Variants in PSG1 observed in about 807,000 individuals in gnomAD.
PSG1 encodes the protein pregnancy specific beta-1-glycoprotein 1.
Under a neutral mutation model 41.4 loss-of-function variants are expected in PSG1, and 60 were observed. The observed-to-expected ratio is 1.45, with a 90% CI of 1.18 to 1.80. The LOEUF (loss-of-function observed/expected upper bound fraction) is 1.80, where lower values mean the gene tolerates loss of function less well. PSG1 is among the 40% of genes most tolerant of loss of function. The pLI is 0.00. For synonymous variants in PSG1, 256 were observed against 192.9 expected, an observed-to-expected ratio of 1.33 and a Z score of -2.71; for missense variants, 806 against 516.9, an observed-to-expected ratio of 1.56 and a Z score of -5.42.
chr19:42,876,921 A>G (rs2122554486), intron 2 of PSG1: 1 of 152,026 alleles, frequency 6.6e-6, no homozygotes, highest in East Asian at 1.9e-4. Flanking sequence ...GTGGCTACAG[A>G]CAGACCTCAT....
In PSG1 at chr19:42,867,593, C is replaced by A. The variant is rs921629908; in HGVS notation, c.1244-443G>T. Reference sequence around the variant, plus strand: ...CAAATGTGTCATGTTACAAAGAAAGCAGATTGTTACTGTACTTGTGCAAAT... The same window carrying A: ...CAAATGTGTCATGTTACAAAGAAAGAAGATTGTTACTGTACTTGTGCAAAT... On this transcript the variant is annotated intron_variant, in intron 5 of 5. Transcript: ENST00000436291. 4.5e-5 allele frequency: 30 copies of A among 666,868 alleles called. 2 individuals are homozygous for A. The highest frequency in any genetic ancestry group is 3.7e-5 in the African/African-American group (2 of 54,226). 41.3% of individuals were successfully genotyped at this position (666,868 alleles called of 1,614,324 possible). A position where few individuals can be genotyped will look rare whatever the true frequency, so the allele number is the denominator to read the frequency against.
chr19:42,879,642 G>C lies in PSG1; in HGVS notation c.-61C>G, dbSNP rs1442458737. 6 of 1,595,788 alleles carry C rather than the reference G, an allele frequency of 3.8e-6. No homozygotes were observed. Among genetic ancestry groups the C allele is most frequent in the Non-Finnish European group, 5.1e-6 (6 of 1,168,324 alleles). On this transcript the variant is annotated 5_prime_UTR_variant, in exon 1 of 6. Coordinates refer to ENST00000436291, the MANE Select transcript of PSG1 (RefSeq NM_001184825.2). ...TAAGCCTAGGATCCAGAAACTCTCT[G>C]AGCACGGCTGTCAGCTGTGCTGTCC...
chr19:42,877,144 C>G (rs1185869330), intron 2 of PSG1, among the ~76,000 whole-genome samples: 1 of 151,688 alleles, frequency 6.6e-6, no homozygotes, highest in Non-Finnish European at 1.5e-5. Flanking sequence ...TATTAATTTG[C>G]TTCCATGAGA....
At chr19:42,872,327 G>A (rs1971428452) in intron 2 of PSG1, among the ~76,000 whole-genome samples, 1 of 151,610 alleles carries the variant, frequency 6.6e-6, no homozygotes, top group African/African-American at 2.4e-5. Flanking sequence ...AGCCCCTGGT[G>A]CCTCTGTGTG....
chr19:42,868,130 C>A lies in PSG1; in HGVS notation c.1214G>T (p.Ser405Ile), dbSNP rs149507749. ...GACTTCGACTGTCATGGATTTGGAG[C>A]TTTCCTTGCCAGTGGCTGAGTTACG... Reference protein sequence around the residue: ...SVRNSATGKESSKSMTVEVSD... With the variant: ...SVRNSATGKEISKSMTVEVSD... The change falls in exon 5 of 6, where the codon AGC (serine) becomes ATC (isoleucine). Residue 405 changes from serine to isoleucine, a missense_variant. Transcript: ENST00000436291. 1.9e-6 allele frequency: 3 copies of A among 1,612,312 alleles called. No homozygotes were observed. The highest frequency in any genetic ancestry group is 2.2e-5 in the South Asian group (2 of 90,808).
chr19:42,878,202 C>G lies in PSG1; in HGVS notation c.141G>C (p.Glu47Asp), dbSNP rs200916909. 6.2e-7 allele frequency: 1 copy of G among 1,611,990 alleles called. No homozygotes were observed. ...TIEAEPTKVS[E>D]GKDVLLLVHN... ...GGACAAGTAGAAGAACATCCTTCCC[C>G]TCGGAAACTTTGGTTGGCTCGGCTT... Residue 47 changes from glutamate (E) to aspartate (D), a missense_variant, in exon 2 of 6, where the codon GAG (glutamate) becomes GAC (aspartate). Transcript: ENST00000436291.
At chr19:42,867,721 G>A (rs746025831) in intron 5 of PSG1, 2 of 842,084 alleles carry the variant, frequency 2.4e-6, no homozygotes, top group Non-Finnish European at 4.1e-6. Context: ...GTTCCCAGAA[G>A]TATAGTTTAT....
At chr19:42,869,884 T>C (rs1230277610) in intron 3 of PSG1, 1 of 151,776 alleles carries the variant, frequency 6.6e-6, no homozygotes, top group Admixed American at 6.6e-5. Flanking sequence ...AGGGTGGGAA[T>C]GAACTGCTGG....
intron 3 of PSG1, chr19:42,870,751 TA>T (rs1246298423): frequency 3.3e-5 from 5 of 151,744 alleles, no homozygotes; most frequent in African/African-American, 1.2e-4. Flanking sequence ...TGTCTTTCCA[TA>T]TATTGATATC....
rs1043446993 is a variant in PSG1 at position 42,866,952 on chromosome 19, T to G, written c.*182A>C. On this transcript the variant is annotated 3_prime_UTR_variant, in exon 6 of 6. Transcript: ENST00000436291. ...GTTGTCCTGGTTTACAGTTTGAGCA[T>G]CTGTTGTTATGGTGTCGAATATTTT... 21 of 746,526 alleles carry G rather than the reference T, an allele frequency of 2.8e-5. 1 individual carries two copies. Among genetic ancestry groups the G allele is most frequent in the South Asian group, 1.1e-4 (8 of 72,238 alleles). The allele number at this position is 746,526 out of a possible 1,614,324, so 46.2% of individuals were successfully genotyped here.
intron 3 of PSG1, 97 bp from the exon 4 acceptor site, chr19:42,869,131 C>T: frequency 6.4e-7 from 1 of 1,557,482 alleles, no homozygotes; most frequent in South Asian, 1.2e-5. Context: ...CCTCTCATTC[C>T]ACCCGAGTCC....
chr19:42,869,134 C>A (rs1340315910), intron 3 of PSG1, 100 bp from the exon 4 acceptor site: 9 of 1,556,456 alleles, frequency 5.8e-6, no homozygotes, highest in South Asian at 1.2e-5. Context: ...CTCATTCCAC[C>A]CGAGTCCTTG....
chr19:42,874,417 G>A (rs1422363830), intron 2 of PSG1, among the ~76,000 whole-genome samples: 3 of 151,476 alleles, frequency 2.0e-5, no homozygotes, highest in African/African-American at 7.3e-5. Flanking sequence ...CATGATCTCA[G>A]CTCACTGCAA....
At chr19:42,876,283 T>C (rs1420677081) in intron 2 of PSG1, among the ~76,000 whole-genome samples, 8 of 151,170 alleles carry the variant, frequency 5.3e-5, no homozygotes, top group Non-Finnish European at 7.4e-5. Context: ...CTTCAGAAAC[T>C]CCAGGGACCA....
chr19:42,875,838 T>G (rs1257464698), intron 2 of PSG1, among the ~76,000 whole-genome samples: 4 of 149,440 alleles, frequency 2.7e-5, no homozygotes, highest in Non-Finnish European at 4.5e-5. Flanking sequence ...TTTTTTTTTT[T>G]TGTGCAGGAG....
rs1190214696 is a variant in PSG1 at position 42,879,606 on chromosome 19, C to G, written c.-25G>C. ...TGGTCTCTGCTGCTTGTGTGTTCTC[C>G]TCTGTGGAGATAAGCCTAGGATCCA... On this transcript the variant is annotated 5_prime_UTR_variant, in exon 1 of 6. Transcript: ENST00000436291. 8 of 1,608,634 alleles carry G rather than the reference C, an allele frequency of 5.0e-6. 1 individual carries two copies. Among genetic ancestry groups the G allele is most frequent in the Non-Finnish European group, 5.9e-6 (7 of 1,177,048 alleles).
At chr19:42,873,919 G>A (rs1413453894) in intron 2 of PSG1, among the ~76,000 whole-genome samples, 2 of 151,614 alleles carry the variant, frequency 1.3e-5, no homozygotes, top group African/African-American at 4.8e-5. Context: ...TAGAGTTTAA[G>A]TTTGTGTGAA....
chr19:42,872,432 C>G (rs1971432959), intron 2 of PSG1, among the ~76,000 whole-genome samples: 1 of 151,592 alleles, frequency 6.6e-6, no homozygotes, highest in South Asian at 2.1e-4. Context: ...TCACTTTGCC[C>G]ACTGAGGTAT....
chr19:42,879,609 T>G lies in PSG1; in HGVS notation c.-28A>C. On this transcript the variant is annotated 5_prime_UTR_variant, in exon 1 of 6. Transcript: ENST00000436291. The stretch of plus-strand genomic sequence containing the variant: ...TCTCTGCTGCTTGTGTGTTCTCCTC[T>G]GTGGAGATAAGCCTAGGATCCAGAA... 6.2e-7 allele frequency: 1 copy of G among 1,608,538 alleles called. No homozygotes were observed. Among genetic ancestry groups the G allele is most frequent in the Non-Finnish European group, 8.5e-7 (1 of 1,177,040 alleles).
Sources: allele counts gnomAD v4.1 joint callset (sites outside exome capture counted in the v4.1 genomes callset), GRCh38; gene constraint gnomAD v4.1.1; transcripts MANE v1.5; gene names NCBI Gene and HGNC (gene_info 2026-07-23, HGNC 2026-07-21).